The following MAP3K10 variants were observed in gnomAD, a reference collection of about 807,000 sequenced individuals.
MAP3K10 encodes mitogen-activated protein kinase kinase kinase 10.
In MAP3K10, 22 loss-of-function variants were observed where a neutral mutation model predicts 75.0. The observed-to-expected ratio is 0.29, with a 90% CI of 0.21 to 0.42. The LOEUF (loss-of-function observed/expected upper bound fraction) is 0.42. Ranked by LOEUF, MAP3K10 falls within the 10% of genes least tolerant of loss-of-function variation. MAP3K10 has a pLI of 1.00. For synonymous variants in MAP3K10, 599 were observed against 612.9 expected (o/e 0.98, Z 0.34); for missense variants, 1,165 against 1,379.8 (o/e 0.84, Z 2.47).
rs200635831 is a variant in MAP3K10, at chr19:40,201,183, T to G, written c.863+2628T>G. Among the ~76,000 whole-genome samples, 27 of 150,694 alleles carry G rather than the reference T, an allele frequency of 1.8e-4. No homozygotes were observed. The East Asian group carries it at 5.1e-3, about 28-fold the overall frequency. On this transcript the variant is annotated intron_variant, in intron 2 of 9. Transcript: ENST00000253055. The stretch of plus-strand genomic sequence containing the variant: ...AGCTCCAGCGTTTTTTGTTTTTTTT[T>G]TTTTTTTGAGCTGGAGTCTTGCTCT...
Position 40,198,333 on chromosome 19 carries a change from G to A in MAP3K10, c.683-42G>A, listed in dbSNP as rs113341651. ...GGGCCAGAACACTTGGGTCTGCGGC[G>A]TGGCAGGTCTGGGGTGACCCACCTT... is the stretch of plus-strand genomic sequence containing the variant. On this transcript the variant is annotated intron_variant, in intron 1 of 9. Transcript: ENST00000253055. The surrounding 1 kb of genome is among the most constrained non-coding windows in gnomAD (Gnocchi z 4.3). 185 of 1,571,112 alleles carry A rather than the reference G, an allele frequency of 1.2e-4. No individual in the cohort carries two copies. In the African/African-American group the frequency reaches 2.0e-3, roughly 17 times the overall value.
chr19:40,215,304 C>A lies in MAP3K10; in HGVS notation c.*12C>A, dbSNP rs761863180. The A allele has an allele frequency of 2.6e-6, 4 of 1,533,230 alleles. No homozygotes were observed. In the South Asian group the frequency reaches 4.8e-5, roughly 18 times the overall value. The allele number at this position is 1,533,230 out of a possible 1,614,324, so 95.0% of individuals were successfully genotyped here. A position where few individuals can be genotyped will look rare whatever the true frequency, so the allele number is the denominator to read the frequency against. On this transcript the variant is annotated 3_prime_UTR_variant, in exon 10 of 10. Coordinates refer to ENST00000253055, the MANE Select transcript of MAP3K10 (RefSeq NM_002446.4). ...ACGGCTCCCACTAAGGCCTGCCCAC[C>A]ACCGCCCGCCTGGGCAGCCATGAAT...
At chr19:40,195,514 A>C (rs1159232774) in intron 1 of MAP3K10, among the ~76,000 whole-genome samples, 1 of 59,856 alleles carries the variant, frequency 1.7e-5, no homozygotes, top group African/African-American at 4.9e-5. Context: ...TTTTTGAGAC[A>C]GAGTCATCTC....
chr19:40,206,925 C>T (rs774407558), intron 5 of MAP3K10, among the ~76,000 whole-genome samples: 25 of 152,124 alleles, frequency 1.6e-4, no homozygotes, highest in Non-Finnish European at 3.5e-4. Context: ...TGGTGAAATC[C>T]CGCCTCTACT....
Position 40,204,938 on chromosome 19 carries a change from C to A in MAP3K10, c.1013-183C>A, listed in dbSNP as rs1016009673. 2 of 660,558 alleles carry A rather than the reference C, an allele frequency of 3.0e-6. No homozygotes were observed. Among genetic ancestry groups the A allele is most frequent in the Admixed American group, 5.5e-5 (2 of 36,328 alleles). 40.9% of individuals were successfully genotyped at this position (660,558 alleles called of 1,614,324 possible). A position where few individuals can be genotyped will look rare whatever the true frequency, so the allele number is the denominator to read the frequency against. ...GGGGTGCAGGTCCCAGGGTTTCTCT[C>A]CCAGCGTTTCACTGAGTGGAATTGG... On this transcript the variant is annotated intron_variant, in intron 3 of 9. Coordinates refer to ENST00000253055, the MANE Select transcript of MAP3K10 (RefSeq NM_002446.4). This position sits in a 1 kb window ranked among gnomAD's most constrained non-coding sequence, Gnocchi z 4.3.
Position 40,205,062 on chromosome 19 carries a change from C to G in MAP3K10, c.1013-59C>G. On this transcript the variant is annotated intron_variant, in intron 3 of 9. Transcript: ENST00000253055. The surrounding 1 kb of genome is among the most constrained non-coding windows in gnomAD (Gnocchi z 4.3). The stretch of plus-strand genomic sequence containing the variant: ...CCTTCCTCTGAGCAGGCTGAGTCCC[C>G]AGAGCATGACCACTGACACCTCCAT... 2 of 1,511,594 alleles carry G rather than the reference C, an allele frequency of 1.3e-6. No individual in the cohort carries two copies. The highest frequency in any genetic ancestry group is 2.3e-5 in the South Asian group (2 of 87,836). 93.6% of individuals were successfully genotyped at this position (1,511,594 alleles called of 1,614,324 possible).
At chr19:40,209,397 ATTTCTTT>A (rs1170209123) in intron 6 of MAP3K10, among the ~76,000 whole-genome samples, 178 bp downstream of exon 6, 2 of 151,664 alleles carry the variant, frequency 1.3e-5, no homozygotes, top group South Asian at 2.1e-4. Context: ...AAGCAGGATA[ATTTCTTT>A]TTTTTTTTTT....
At chr19:40,197,542 T>A (rs1972930184) in intron 1 of MAP3K10, among the ~76,000 whole-genome samples, 2 of 152,090 alleles carry the variant, frequency 1.3e-5, no homozygotes, top group South Asian at 4.1e-4. Context: ...GCCAGGCTGG[T>A]CTCGAACTCC....
In MAP3K10 at chr19:40,205,244, A is replaced by G. The variant is rs765099614; in HGVS notation, c.1136A>G (p.Asp379Gly). The G allele has an allele frequency of 6.2e-7, 1 of 1,614,160 alleles. No individual in the cohort carries two copies. The highest frequency in any genetic ancestry group is 8.5e-7 in the Non-Finnish European group (1 of 1,180,036). Residue 379 changes from aspartate (D) to glycine (G), a missense_variant, in exon 4 of 10, where the codon GAC (aspartate) becomes GGC (glycine). This residue lies in a region of MAP3K10 where 575 missense variants were observed against 793.2 expected (regional missense o/e 0.72). Transcript: ENST00000253055. The surrounding 1 kb of genome is among the most constrained non-coding windows in gnomAD (Gnocchi z 4.3). ...PLESFHSLQE[D>G]WKLEIQHMFD... ...GAGTCCTTCCACTCGCTGCAGGAAGACTGGAAGCTGGAGATTCAGCACATG... is the reference window on the plus strand; with the variant it reads ...GAGTCCTTCCACTCGCTGCAGGAAGGCTGGAAGCTGGAGATTCAGCACATG...
rs546069949 is a variant in MAP3K10 at position 40,212,015 on chromosome 19, G to T, written c.1553-790G>T. On this transcript the variant is annotated intron_variant, in intron 6 of 9. Coordinates refer to ENST00000253055, the MANE Select transcript of MAP3K10 (RefSeq NM_002446.4). This position sits in a 1 kb window ranked among gnomAD's most constrained non-coding sequence, Gnocchi z 4.2. The stretch of plus-strand genomic sequence containing the variant: ...GCTGGGATTCCAGGCAAGAGCCACC[G>T]CACCTGGCCTGGTATGGATTTTCTT... Among the ~76,000 whole-genome samples, 1 of 152,180 alleles carries T rather than the reference G, an allele frequency of 6.6e-6. No individual in the cohort carries two copies. The highest frequency in any genetic ancestry group is 2.4e-5 in the African/African-American group (1 of 41,426).
chr19:40,192,007 T>A lies in MAP3K10; in HGVS notation c.-25T>A. ...CGCGGGCAGCCTGTGTGAAGCGGCC[T>A]CCCGCAGCCCCCGGCCCCTCCCCCA... On this transcript the variant is annotated 5_prime_UTR_variant, in exon 1 of 10. Transcript: ENST00000253055. The surrounding 1 kb of genome is among the most constrained non-coding windows in gnomAD (Gnocchi z 7.1). 4 of 1,380,588 alleles carry A rather than the reference T, an allele frequency of 2.9e-6. No homozygotes were observed. The highest frequency in any genetic ancestry group is 3.8e-6 in the Non-Finnish European group (4 of 1,064,662). The allele number at this position is 1,380,588 out of a possible 1,614,324, so 85.5% of individuals were successfully genotyped here.
chr19:40,197,303 T>C, intron 1 of MAP3K10, among the ~76,000 whole-genome samples: 1 of 152,068 alleles, frequency 6.6e-6, no homozygotes, highest in East Asian at 1.9e-4. Context: ...AGAGTCAGGG[T>C]GCACTCTGCC....
At chr19:40,196,338 CTG>C (rs1399152855) in intron 1 of MAP3K10, among the ~76,000 whole-genome samples, 1 of 152,142 alleles carries the variant, frequency 6.6e-6, no homozygotes, top group Non-Finnish European at 1.5e-5. Context: ...TTCTGAGCCT[CTG>C]TTAGCTAGTC....
Position 40,204,690 on chromosome 19 carries a change from G to T in MAP3K10, c.1012+57G>T. ...CAGCTTGGAGTGGCAGGGACCTGTG[G>T]GCCCAGACCTTTCCCCTTCACACCT... On this transcript the variant is annotated intron_variant, in intron 3 of 9. Transcript: ENST00000253055. The surrounding 1 kb of genome is among the most constrained non-coding windows in gnomAD (Gnocchi z 4.3). 6.3e-7 allele frequency: 1 copy of T among 1,579,822 alleles called. No homozygotes were observed. The highest frequency in any genetic ancestry group is 1.3e-5 in the African/African-American group (1 of 74,430).
At chr19:40,193,738 T>C (rs1357927275) in intron 1 of MAP3K10, among the ~76,000 whole-genome samples, 1 of 152,174 alleles carries the variant, frequency 6.6e-6, no homozygotes, top group Non-Finnish European at 1.5e-5. Flanking sequence ...CTCCCTTTCA[T>C]TTCTTCATTC....
At chr19:40,208,370 G>GTTT (rs1568492219) in intron 5 of MAP3K10, among the ~76,000 whole-genome samples, 1 of 100,708 alleles carries the variant, frequency 9.9e-6, no homozygotes, top group Non-Finnish European at 1.9e-5. Context: ...TTTTTTTTTT[G>GTTT]TATTTTTAGT....
At position 40,214,099 on chromosome 19, in the gene MAP3K10, G is replaced by T; in HGVS notation, c.2420G>T (p.Arg807Leu). The T allele has an allele frequency of 7.2e-7, 1 of 1,383,858 alleles. No homozygotes were observed. Among genetic ancestry groups the T allele is most frequent in the Non-Finnish European group, 9.5e-7 (1 of 1,048,894 alleles). The allele number at this position is 1,383,858 out of a possible 1,614,324, so 85.7% of individuals were successfully genotyped here. A position where few individuals can be genotyped will look rare whatever the true frequency, so the allele number is the denominator to read the frequency against. Residue 807 changes from arginine (R) to leucine (L), a missense_variant, in exon 9 of 10, where the codon CGC becomes CTC. This residue lies in a region of MAP3K10 where 590 missense variants were observed against 586.6 expected (regional missense o/e 1.01). Transcript: ENST00000253055. ...CTGGAGAGCTTCAAGAAGGACCCCC[G>T]CCAGTCGCTCACGCCCACCCACGTC... ...LELESFKKDP[R>L]QSLTPTHVTA...
intron 1 of MAP3K10, among the ~76,000 whole-genome samples, chr19:40,196,062 C>T (rs1972899451): frequency 1.3e-5 from 2 of 151,834 alleles, no homozygotes; most frequent in African/African-American, 2.4e-5. Context: ...TTTACTATAA[C>T]GCTAGAAGGT....
In MAP3K10 at chr19:40,192,033, T is replaced by TGGA; in HGVS notation, c.14_16dup (p.Glu5dup). 16 of 1,374,918 alleles carry TGGA rather than the reference T, an allele frequency of 1.2e-5. No individual in the cohort carries two copies. The highest frequency in any genetic ancestry group is 1.5e-5 in the African/African-American group (1 of 64,554). The allele number at this position is 1,374,918 out of a possible 1,614,324, so 85.2% of individuals were successfully genotyped here. ...CCCGCAGCCCCCGGCCCCTCCCCCA[T>TGGA]GGAGGAGGAGGAGGGGGCGGTGGCC... On this transcript the variant is annotated inframe_insertion, in exon 1 of 10. Transcript: ENST00000253055. This position sits in a 1 kb window ranked among gnomAD's most constrained non-coding sequence, Gnocchi z 7.1.
Sources: allele counts gnomAD v4.1 joint callset (sites outside exome capture counted in the v4.1 genomes callset), GRCh38; gene constraint gnomAD v4.1.1; regional missense constraint gnomAD v4.1.1; non-coding constraint Gnocchi (gnomAD v3.1); transcripts MANE v1.5; gene names NCBI Gene and HGNC (gene_info 2026-07-23, HGNC 2026-07-21).